Variants in PPP1R12A observed in about 807,000 individuals in gnomAD.
The protein encoded by PPP1R12A is myosin binding subunit.
PPP1R12A carries 19 observed loss-of-function variants against 139.6 expected under a neutral mutation model. The ratio of observed to expected loss-of-function variants is 0.14; its 90% CI spans 0.09 to 0.20. PPP1R12A has a LOEUF of 0.20. Among genes scored for constraint, PPP1R12A ranks in the 10% least tolerant of loss-of-function variants. The pLI is 1.00. For synonymous variants in PPP1R12A, 427 were observed against 420.6 expected (o/e 1.02, Z -0.19); for missense variants, 925 against 1,211.5 (o/e 0.76, Z 3.51).
chr12:79,818,423 T>G (rs1418498781), intron 8 of PPP1R12A, among the ~76,000 whole-genome samples: 1 of 152,092 alleles, frequency 6.6e-6, no homozygotes, highest in Non-Finnish European at 1.5e-5. Flanking sequence ...GTGTTTTTTT[T>G]GTAAAGACAG....
Position 79,774,810 on chromosome 12 carries a change from G to A in PPP1R12A, c.*1119C>T, listed in dbSNP as rs552182955. On this transcript the variant is annotated 3_prime_UTR_variant, in exon 25 of 25. Coordinates refer to ENST00000450142, the MANE Select transcript of PPP1R12A (RefSeq NM_002480.3). Reference sequence around the variant, plus strand: ...GCACAACAGTTTTAGACAGCACTCAGATAAATATAGGTATGTGAAATGTAA... The same window carrying A: ...GCACAACAGTTTTAGACAGCACTCAAATAAATATAGGTATGTGAAATGTAA... 1 of 152,632 alleles carries A rather than the reference G, an allele frequency of 6.6e-6. No homozygotes were observed. The highest frequency in any genetic ancestry group is 6.5e-5 in the Admixed American group (1 of 15,292). The allele number at this position is 152,632 out of a possible 1,614,324, so 9.5% of individuals were successfully genotyped here.
At chr12:79,893,104 C>CA (rs1241896292) in intron 1 of PPP1R12A, among the ~76,000 whole-genome samples, 6,616 of 98,172 alleles carry the variant, frequency 0.067, 175 homozygotes, top group African/African-American at 0.09. Context: ...GACTGTGTCT[C>CA]AAAAAAAAAA....
Position 79,788,742 on chromosome 12 carries a change from G to C in PPP1R12A, c.2708C>G (p.Ser903Cys). Residue 903 changes from serine (S) to cysteine (C), a missense_variant, in exon 21 of 25, where the codon TCC becomes TGC. Ser to Cys is a moderately radical substitution (Grantham distance 112). Transcript: ENST00000450142. ...SSTSAGDRYD[S>C]LLGRSGSYSY... ...GTATGATCCAGAGCGACCCAGCAAG[G>C]AATCATATCGATCACCAGCTGATGT... is the stretch of plus-strand genomic sequence containing the variant. 6.2e-7 allele frequency: 1 copy of C among 1,612,122 alleles called. No individual in the cohort carries two copies. The highest frequency in any genetic ancestry group is 8.5e-7 in the Non-Finnish European group (1 of 1,178,990).
At chr12:79,823,623 T>C (rs911955603) in intron 5 of PPP1R12A, among the ~76,000 whole-genome samples, 2 of 151,970 alleles carry the variant, frequency 1.3e-5, no homozygotes, top group Non-Finnish European at 2.9e-5. Flanking sequence ...AGATAGGATC[T>C]TGCTCTGTTA....
intron 1 of PPP1R12A, among the ~76,000 whole-genome samples, chr12:79,888,846 C>T (rs1884341870): frequency 6.6e-6 from 1 of 152,156 alleles, no homozygotes; most frequent in Non-Finnish European, 1.5e-5. Context: ...AACCAATAGG[C>T]TACACAACTA....
chr12:79,818,012 G>A (rs920584338), intron 8 of PPP1R12A, among the ~76,000 whole-genome samples: 3 of 152,196 alleles, frequency 2.0e-5, no homozygotes, highest in African/African-American at 7.2e-5. Context: ...CAAAGAGCAT[G>A]TTTTCCCACT....
intron 22 of PPP1R12A, among the ~76,000 whole-genome samples, chr12:79,783,986 G>A (rs1870794984): frequency 6.6e-6 from 1 of 152,142 alleles, no homozygotes; most frequent in South Asian, 2.1e-4. Flanking sequence ...GGGAAGGAGG[G>A]TACCTGGGCT....
chr12:79,901,783 C>T (rs991874049), intron 1 of PPP1R12A, among the ~76,000 whole-genome samples: 21 of 152,056 alleles, frequency 1.4e-4, no homozygotes, highest in Non-Finnish European at 2.4e-4. Context: ...CAAATAAATA[C>T]GTAATTACAC....
chr12:79,776,090 A>G lies in PPP1R12A; in HGVS notation c.3007-75T>C, dbSNP rs562357108. 11 of 918,436 alleles carry G rather than the reference A, an allele frequency of 1.2e-5. No individual in the cohort carries two copies. The South Asian group carries it at 1.2e-4, about 10-fold the overall frequency. The allele number at this position is 918,436 out of a possible 1,614,324, so 56.9% of individuals were successfully genotyped here. On this transcript the variant is annotated intron_variant, in intron 24 of 24. Transcript: ENST00000450142. ...TAAAACATTATTCTTAATAAATGTT[A>G]TATTTTCACCACAAAACACATGATC...
chr12:79,925,297 T>C (rs977844372), intron 1 of PPP1R12A, among the ~76,000 whole-genome samples: 16 of 152,022 alleles, frequency 1.1e-4, no homozygotes, highest in Admixed American at 1.3e-4. Context: ...TCCATGAAAA[T>C]ATACTTTCCC....
intron 2 of PPP1R12A, among the ~76,000 whole-genome samples, chr12:79,861,503 G>A (rs918060100): frequency 4.6e-5 from 7 of 152,194 alleles, no homozygotes; most frequent in African/African-American, 9.6e-5. Flanking sequence ...GAAGCAGGGC[G>A]GGGTGTTGCC....
chr12:79,811,814 G>C (rs1390545038), intron 9 of PPP1R12A, among the ~76,000 whole-genome samples: 1 of 151,892 alleles, frequency 6.6e-6, no homozygotes, highest in African/African-American at 2.4e-5. Context: ...GCCATAGTTT[G>C]CCAACACCCA....
intron 24 of PPP1R12A, chr12:79,777,464 C>A (rs539666464): frequency 2.0e-6 from 2 of 985,204 alleles, no homozygotes; most frequent in African/African-American, 3.5e-5. Context: ...AACACGCCTA[C>A]TAATATAAAA....
chr12:79,874,375 G>A (rs942061478), intron 1 of PPP1R12A, among the ~76,000 whole-genome samples: 8 of 151,850 alleles, frequency 5.3e-5, no homozygotes, highest in Non-Finnish European at 1.0e-4. Flanking sequence ...ATGTTATTTG[G>A]TAACATGGGT....
At chr12:79,875,065 T>C (rs2137347154) in intron 1 of PPP1R12A, among the ~76,000 whole-genome samples, 1 of 152,296 alleles carries the variant, frequency 6.6e-6, no homozygotes, top group South Asian at 2.1e-4. Flanking sequence ...ATAATATCAA[T>C]AGCCACAATT....
At chr12:79,793,601 T>C (rs1264212481) in intron 19 of PPP1R12A, among the ~76,000 whole-genome samples, 2 of 152,156 alleles carry the variant, frequency 1.3e-5, no homozygotes. Flanking sequence ...TACAATTTGG[T>C]GAGTTTTGGC....
intron 9 of PPP1R12A, among the ~76,000 whole-genome samples, chr12:79,815,068 A>G (rs1417515393): frequency 1.3e-5 from 2 of 152,112 alleles, no homozygotes; most frequent in Admixed American, 1.3e-4. Context: ...GGCCCACTAT[A>G]CTAACAGAGG....
intron 1 of PPP1R12A, among the ~76,000 whole-genome samples, chr12:79,925,134 G>T (rs887045731): frequency 6.6e-6 from 1 of 152,172 alleles, no homozygotes; most frequent in Non-Finnish European, 1.5e-5. Flanking sequence ...AAAAGCTCTA[G>T]AAGTGTTCCA....
At chr12:79,821,987 C>G in intron 6 of PPP1R12A, 129 bp downstream of exon 6, 1 of 602,026 alleles carries the variant, frequency 1.7e-6, no homozygotes, top group South Asian at 2.1e-5. Context: ...CTTTCACTAT[C>G]ATTTAGTGAA....
Sources: allele counts gnomAD v4.1 joint callset (sites outside exome capture counted in the v4.1 genomes callset), GRCh38; gene constraint gnomAD v4.1.1; transcripts MANE v1.5; gene names NCBI Gene and HGNC (gene_info 2026-07-23, HGNC 2026-07-21).